The following EPHA6 variants were observed in gnomAD, a reference collection of about 807,000 sequenced individuals.
EPHA6 encodes the protein ephrin type-A receptor 6.
In EPHA6, 50 loss-of-function variants were observed where a neutral mutation model predicts 112.0. The ratio of observed to expected loss-of-function variants is 0.45; its 90% CI spans 0.36 to 0.56. The LOEUF (loss-of-function observed/expected upper bound fraction) is 0.56, where lower values mean the gene tolerates loss of function less well. Ranked by LOEUF, EPHA6 falls within the 20% of genes least tolerant of loss-of-function variation. The pLI is 0.00. For synonymous variants in EPHA6, 529 were observed against 490.7 expected (o/e 1.08, Z -1.03); for missense variants, 1,280 against 1,417.4 (o/e 0.90, Z 1.56).
chr3:97,589,162 T>C (rs1306989649), intron 11 of EPHA6, among the ~76,000 whole-genome samples: 1 of 150,332 alleles, frequency 6.7e-6, no homozygotes, highest in African/African-American at 2.5e-5. Flanking sequence ...TCTTTTCTTC[T>C]CTTTTTTTTT....
At chr3:97,350,406 G>T (rs2083750941) in intron 5 of EPHA6, among the ~76,000 whole-genome samples, 1 of 152,094 alleles carries the variant, frequency 6.6e-6, no homozygotes, top group Admixed American at 6.6e-5. Context: ...AATGCATTTT[G>T]TTGTGTTGAA....
chr3:97,678,463 A>G (rs1490853626), intron 14 of EPHA6, among the ~76,000 whole-genome samples: 1 of 152,164 alleles, frequency 6.6e-6, no homozygotes, highest in Non-Finnish European at 1.5e-5. Context: ...GGTGAATGAC[A>G]GAGCAGGGAT....
intron 5 of EPHA6, among the ~76,000 whole-genome samples, chr3:97,365,134 C>A (rs574471322): frequency 6.6e-6 from 1 of 152,176 alleles, no homozygotes; most frequent in Admixed American, 6.5e-5. Flanking sequence ...ATTCAAAAGG[C>A]AAATGAATAT....
At chr3:97,615,330 C>CA (rs2093756504) in intron 13 of EPHA6, among the ~76,000 whole-genome samples, 1 of 152,146 alleles carries the variant, frequency 6.6e-6, no homozygotes, top group South Asian at 2.1e-4. Context: ...GAAGCTTTGC[C>CA]GATTCACAGA....
chr3:97,496,919 G>A (rs1180102277), intron 10 of EPHA6, among the ~76,000 whole-genome samples: 1 of 152,096 alleles, frequency 6.6e-6, no homozygotes, highest in Non-Finnish European at 1.5e-5. Context: ...CTCATTTGTA[G>A]TGAGATTTGC....
chr3:97,082,594 A>G (rs962739334), intron 3 of EPHA6, among the ~76,000 whole-genome samples: 1 of 151,910 alleles, frequency 6.6e-6, no homozygotes, highest in Non-Finnish European at 1.5e-5. Flanking sequence ...AGAAACTTTT[A>G]ATCAATTCGA....
At position 97,721,706 on chromosome 3, in the gene EPHA6, G is replaced by T. The variant is rs371549498; in HGVS notation, c.2934+1296G>T. Among the ~76,000 whole-genome samples, 14 of 152,254 alleles carry T rather than the reference G, an allele frequency of 9.2e-5. No homozygotes were observed. The South Asian group carries it at 2.7e-3, about 29-fold the overall frequency. ...CAACACTTAGACTTTTTGGATCTGGGCCATTTGCCTACAGTCTGCTATTCA... is the reference window on the plus strand; with the variant it reads ...CAACACTTAGACTTTTTGGATCTGGTCCATTTGCCTACAGTCTGCTATTCA... On this transcript the variant is annotated intron_variant, in intron 15 of 17. Transcript: ENST00000389672.
intron 3 of EPHA6, among the ~76,000 whole-genome samples, chr3:97,137,684 T>C (rs1207536647): frequency 3.3e-5 from 5 of 152,174 alleles, no homozygotes; most frequent in Non-Finnish European, 5.9e-5. Context: ...GAAAAAAAAT[T>C]ACAGCATTTG....
intron 5 of EPHA6, among the ~76,000 whole-genome samples, chr3:97,362,244 A>C (rs1447558425): frequency 6.6e-6 from 1 of 152,252 alleles, no homozygotes; most frequent in South Asian, 2.1e-4. Context: ...ATTGAGTTTA[A>C]TAGAGATTAA....
At chr3:97,159,137 C>T (rs578096323) in intron 3 of EPHA6, among the ~76,000 whole-genome samples, 2 of 152,234 alleles carry the variant, frequency 1.3e-5, no homozygotes, top group African/African-American at 4.8e-5. Flanking sequence ...TTTCTAATGA[C>T]CTTAATCACA....
intron 10 of EPHA6, among the ~76,000 whole-genome samples, chr3:97,527,437 T>C (rs2092636898): frequency 6.6e-6 from 1 of 151,996 alleles, no homozygotes; most frequent in Non-Finnish European, 1.5e-5. Context: ...TGTGGAGTAA[T>C]ACAAGTGCGT....
chr3:97,151,877 A>G (rs925597399), intron 3 of EPHA6, among the ~76,000 whole-genome samples: 8 of 151,998 alleles, frequency 5.3e-5, no homozygotes, highest in Admixed American at 2.0e-4. Flanking sequence ...AGTATTAAGT[A>G]TGTATCGTAG....
At chr3:97,694,570 G>T (rs1226384436) in intron 14 of EPHA6, among the ~76,000 whole-genome samples, 3 of 152,270 alleles carry the variant, frequency 2.0e-5, no homozygotes, top group East Asian at 3.9e-4. Flanking sequence ...ATTCTATGGG[G>T]TAGCTCAAGG....
Position 97,730,891 on chromosome 3 carries a change from A to G in EPHA6, c.2935-5034A>G, listed in dbSNP as rs376187023. ...AGTTCACCCAAGCTAAGAGACTACA[A>G]ATGTTTTGTATTGGCTGGAGCCAAG... On this transcript the variant is annotated intron_variant, in intron 15 of 17. Coordinates refer to ENST00000389672, the MANE Select transcript of EPHA6 (RefSeq NM_001080448.3). 8.5e-5 allele frequency among the ~76,000 whole-genome samples: 13 copies of G among 152,238 alleles called. No homozygotes were observed. In the East Asian group the frequency reaches 1.4e-3, roughly 16 times the overall value.
intron 7 of EPHA6, among the ~76,000 whole-genome samples, chr3:97,474,891 A>G (rs2107459234): frequency 6.6e-6 from 1 of 152,154 alleles, no homozygotes; most frequent in African/African-American, 2.4e-5. Context: ...AAGTTCTATG[A>G]AGTATAAAGA....
At chr3:97,180,157 C>T (rs374988456) in intron 3 of EPHA6, among the ~76,000 whole-genome samples, 6 of 151,980 alleles carry the variant, frequency 3.9e-5, no homozygotes, top group African/African-American at 4.8e-5. Flanking sequence ...GAGGAGCGTT[C>T]GTTTGTAGCC....
chr3:97,567,054 G>A (rs1270985294), intron 11 of EPHA6, among the ~76,000 whole-genome samples: 1 of 152,194 alleles, frequency 6.6e-6, no homozygotes, highest in Non-Finnish European at 1.5e-5. Context: ...CAAGACCACA[G>A]CAAAAGCAGA....
intron 3 of EPHA6, among the ~76,000 whole-genome samples, chr3:97,051,473 A>G (rs1217804199): frequency 6.6e-6 from 1 of 152,160 alleles, no homozygotes; most frequent in Non-Finnish European, 1.5e-5. Context: ...GCTCTGTGCC[A>G]TATGATATTC....
intron 1 of EPHA6, among the ~76,000 whole-genome samples, chr3:96,816,257 G>A (rs2032775808): frequency 1.3e-5 from 2 of 152,110 alleles, no homozygotes; most frequent in Admixed American, 6.5e-5. Flanking sequence ...AATTATTACA[G>A]TTATTTTAAA....
Sources: allele counts gnomAD v4.1 joint callset (sites outside exome capture counted in the v4.1 genomes callset), GRCh38; gene constraint gnomAD v4.1.1; transcripts MANE v1.5; gene names NCBI Gene and HGNC (gene_info 2026-07-23, HGNC 2026-07-21).